The following SLC4A4 variants were observed in gnomAD, a reference collection of about 807,000 sequenced individuals.
SLC4A4 encodes solute carrier family 4 member 4.
Under a neutral mutation model 111.5 loss-of-function variants are expected in SLC4A4, and 27 were observed. That is an observed-to-expected ratio of 0.24 (90% CI 0.18 to 0.33). The LOEUF is 0.33. SLC4A4 is among the 10% of genes least tolerant of loss of function. SLC4A4 has a pLI of 1.00. For missense variants in SLC4A4, 909 were observed against 1,315.5 expected (o/e 0.69, Z 4.78); for synonymous variants, 443 against 463.4 (o/e 0.96, Z 0.57).
At chr4:71,478,710 C>A (rs1459724039) in intron 14 of SLC4A4, among the ~76,000 whole-genome samples, 1 of 151,650 alleles carries the variant, frequency 6.6e-6, no homozygotes, top group African/African-American at 2.4e-5. Flanking sequence ...GTGTAAAAAA[C>A]CTGCACATTC....
intron 16 of SLC4A4, among the ~76,000 whole-genome samples, chr4:71,517,417 C>G (rs1363723728): frequency 6.6e-6 from 1 of 151,730 alleles, no homozygotes; most frequent in Non-Finnish European, 1.5e-5. Context: ...TATTTTTTGG[C>G]TCCAGAATTT....
intron 2 of SLC4A4, among the ~76,000 whole-genome samples, chr4:71,110,796 T>C (rs926046134): frequency 1.3e-5 from 2 of 152,184 alleles, no homozygotes; most frequent in Admixed American, 1.3e-4. Flanking sequence ...TGCTTTGTAA[T>C]GGGCTCTTCA....
At chr4:71,491,240 A>C (rs1410550001) in intron 15 of SLC4A4, among the ~76,000 whole-genome samples, 1 of 151,842 alleles carries the variant, frequency 6.6e-6, no homozygotes, top group Non-Finnish European at 1.5e-5. Context: ...TGGGGGAAAA[A>C]ACTCTAAATA....
chr4:71,088,207 A>G (rs1278493364), intron 1 of SLC4A4, among the ~76,000 whole-genome samples: 4 of 149,548 alleles, frequency 2.7e-5, no homozygotes, highest in East Asian at 3.9e-4. Flanking sequence ...AGTCTGTTTT[A>G]TCAGAGACTC....
chr4:71,358,945 G>A (rs145971971), intron 6 of SLC4A4, among the ~76,000 whole-genome samples: 1 of 152,236 alleles, frequency 6.6e-6, no homozygotes, highest in Non-Finnish European at 1.5e-5. Flanking sequence ...TCATGGGGTT[G>A]GGGGAAGTAT....
In SLC4A4 at chr4:71,158,141, G is replaced by GTGTGTC. The variant is rs1449317425; in HGVS notation, c.-2+65350_-2+65351insGTGTCT. Among the ~76,000 whole-genome samples, 291 of 120,386 alleles carry GTGTGTC rather than the reference G, an allele frequency of 2.4e-3. 7 individuals are homozygous for GTGTGTC. In the South Asian group the frequency reaches 0.034, roughly 14 times the overall value. The allele number at this position is 120,386 out of a possible 152,430, so 79.0% of individuals were successfully genotyped here. On this transcript the variant is annotated intron_variant, in intron 2 of 26. Transcript: ENST00000649996. Reference sequence around the variant, plus strand: ...TGTGTGTGTGTGTGTGTGTGTGTGTGTCTCTCTCTCTCTCTCTCTTTCTCT... The same window carrying GTGTGTC: ...TGTGTGTGTGTGTGTGTGTGTGTGTGTGTGTCTCTCTCTCTCTCTCTCTCTTTCTCT...
chr4:71,521,944 C>A (rs189973763), intron 16 of SLC4A4, among the ~76,000 whole-genome samples: 2 of 152,262 alleles, frequency 1.3e-5, no homozygotes, highest in Non-Finnish European at 1.5e-5. Flanking sequence ...TTGCTGAGGC[C>A]CATGGTCAAT....
intron 2 of SLC4A4, among the ~76,000 whole-genome samples, chr4:71,096,359 C>G (rs1418956480): frequency 2.0e-5 from 3 of 152,022 alleles, no homozygotes; most frequent in African/African-American, 7.2e-5. Flanking sequence ...AAACAGAACA[C>G]TGAAAAACAC....
chr4:71,221,382 G>A (rs1718735882), intron 1 of SLC4A4, among the ~76,000 whole-genome samples: 1 of 152,194 alleles, frequency 6.6e-6, no homozygotes, highest in Admixed American at 6.5e-5. Flanking sequence ...GTACAAACAA[G>A]TGGCTAGAAC....
At chr4:71,549,060 C>A (rs1735773469) in intron 20 of SLC4A4, among the ~76,000 whole-genome samples, 1 of 151,820 alleles carries the variant, frequency 6.6e-6, no homozygotes, top group Admixed American at 6.6e-5. Flanking sequence ...TTAGACAAGA[C>A]ATTAAGATTA....
At chr4:71,408,257 G>A (rs899442638) in intron 7 of SLC4A4, among the ~76,000 whole-genome samples, 1 of 152,126 alleles carries the variant, frequency 6.6e-6, no homozygotes, top group African/African-American at 2.4e-5. Flanking sequence ...ACTTAAGTAA[G>A]CATAGTAAAC....
intron 3 of SLC4A4, among the ~76,000 whole-genome samples, chr4:71,271,355 T>C (rs576842428): frequency 1.3e-5 from 2 of 152,326 alleles, no homozygotes; most frequent in South Asian, 4.1e-4. Context: ...CCAAATCTGG[T>C]GCTCTTTTTA....
At chr4:71,199,016 C>T (rs1429999866) in intron 1 of SLC4A4, among the ~76,000 whole-genome samples, 1 of 152,134 alleles carries the variant, frequency 6.6e-6, no homozygotes, top group East Asian at 1.9e-4. Flanking sequence ...GGTAAATAGA[C>T]CTAATCTTTT....
intron 2 of SLC4A4, among the ~76,000 whole-genome samples, chr4:71,237,196 T>A (rs1719872500): frequency 6.6e-6 from 1 of 152,228 alleles, no homozygotes; most frequent in South Asian, 2.1e-4. Flanking sequence ...CTTTTGCTGA[T>A]GTTTCCTAGT....
chr4:71,248,582 T>C (rs1159195040), intron 2 of SLC4A4, among the ~76,000 whole-genome samples: 1 of 152,138 alleles, frequency 6.6e-6, no homozygotes, highest in Non-Finnish European at 1.5e-5. Flanking sequence ...TAGGGTAACC[T>C]GATTTCTAAT....
intron 3 of SLC4A4, among the ~76,000 whole-genome samples, chr4:71,294,276 CT>C (rs1724605966): frequency 6.6e-6 from 1 of 152,200 alleles, no homozygotes; most frequent in Non-Finnish European, 1.5e-5. Context: ...CAGATTCCCC[CT>C]GACAGGTGTG....
chr4:71,086,799 C>T (rs1028762734), intron 1 of SLC4A4, among the ~76,000 whole-genome samples: 8 of 151,988 alleles, frequency 5.3e-5, no homozygotes, highest in African/African-American at 7.3e-5. Context: ...CTGCTGGATT[C>T]GGTTTGCCAG....
chr4:71,226,681 G>A (rs1719070272), intron 1 of SLC4A4, among the ~76,000 whole-genome samples: 1 of 152,092 alleles, frequency 6.6e-6, no homozygotes, highest in Non-Finnish European at 1.5e-5. Context: ...TTGAATAACA[G>A]GCTAAGTAAT....
At chr4:71,489,477 G>A (rs10805086) in intron 15 of SLC4A4, among the ~76,000 whole-genome samples, 108,379 of 151,352 alleles carry the variant, frequency 0.72, 39,882 homozygotes, top group Non-Finnish European at 0.82. Context: ...AAGGTACTGT[G>A]AGTGTCAACT....
Sources: gnomAD v4.1 joint callset for allele counts (sites outside exome capture counted in the v4.1 genomes callset) on GRCh38, gnomAD v4.1.1 for gene constraint, MANE v1.5 for transcripts, NCBI Gene and HGNC (gene_info 2026-07-23, HGNC 2026-07-21) for gene names.